The following LEPR variants were observed in gnomAD, a reference collection of about 807,000 sequenced individuals.
LEPR encodes OB receptor.
LEPR carries 56 observed loss-of-function variants against 114.7 expected under a neutral mutation model. The ratio of observed to expected loss-of-function variants is 0.49; its 90% confidence interval spans 0.39 to 0.61. The LOEUF is 0.61. Among genes scored for constraint, LEPR ranks in the 20% least tolerant of loss-of-function variants. The pLI, the probability that LEPR is intolerant of heterozygous loss-of-function variation, is 0.00. For synonymous variants in LEPR, 443 were observed against 461.4 expected (o/e 0.96, Z 0.51); for missense variants, 1,202 against 1,352.9 (o/e 0.89, Z 1.75).
intron 14 of LEPR, among the ~76,000 whole-genome samples, chr1:65,612,863 T>C (rs1657264178): frequency 6.6e-6 from 1 of 152,224 alleles, no homozygotes; most frequent in African/African-American, 2.4e-5. Flanking sequence ...ATTCTACCAA[T>C]GTGACTTACC....
chr1:65,459,274 G>A (rs1425310084), intron 2 of LEPR, among the ~76,000 whole-genome samples: 1 of 152,082 alleles, frequency 6.6e-6, no homozygotes, highest in African/African-American at 2.4e-5. Context: ...AGCCAGCTGG[G>A]GTGCTACTGA....
At chr1:65,465,470 G>A (rs1355844243) in intron 2 of LEPR, among the ~76,000 whole-genome samples, 1 of 152,214 alleles carries the variant, frequency 6.6e-6, no homozygotes, top group African/African-American at 2.4e-5. Flanking sequence ...TAGAATAAGT[G>A]TGATGTGGTG....
chr1:65,555,347 A>G (rs1293118418), intron 2 of LEPR, among the ~76,000 whole-genome samples: 1 of 152,186 alleles, frequency 6.6e-6, no homozygotes, highest in Non-Finnish European at 1.5e-5. Flanking sequence ...CCCACATATC[A>G]CCTGGATGAA....
intron 2 of LEPR, among the ~76,000 whole-genome samples, chr1:65,440,570 AG>A (rs1163998834): frequency 2.0e-5 from 3 of 152,212 alleles, no homozygotes; most frequent in African/African-American, 7.2e-5. Flanking sequence ...TGAAGGAAGT[AG>A]AGGCAGTTAT....
chr1:65,436,391 C>A (rs962531947), intron 2 of LEPR, among the ~76,000 whole-genome samples: 17 of 152,164 alleles, frequency 1.1e-4, no homozygotes, highest in Admixed American at 9.8e-4. Flanking sequence ...ATAATATGTC[C>A]TCCTTATGCA....
intron 2 of LEPR, among the ~76,000 whole-genome samples, chr1:65,544,264 A>C (rs1445294466): frequency 6.6e-6 from 1 of 151,938 alleles, no homozygotes; most frequent in Non-Finnish European, 1.5e-5. Context: ...GTGTATAGGA[A>C]TGCTTGTGAT....
chr1:65,526,174 G>A, intron 2 of LEPR: 1 of 985,332 alleles, frequency 1.0e-6, no homozygotes, highest in South Asian at 4.7e-5. Context: ...AAACTGAAGG[G>A]ACTGCCACCT....
Position 65,569,288 on chromosome 1 carries a change from T to A in LEPR, c.41-1185T>A, listed in dbSNP as rs1309809306. Among the ~76,000 whole-genome samples, 7 of 152,240 alleles carry A rather than the reference T, an allele frequency of 4.6e-5. No homozygotes were observed. The East Asian group carries it at 1.3e-3, about 29-fold the overall frequency. On this transcript the variant is annotated intron_variant, in intron 3 of 19. Coordinates refer to ENST00000349533, the MANE Select transcript of LEPR (RefSeq NM_002303.6). Reference sequence around the variant, plus strand: ...AAAATTCTCATTTCATACAAATCCATACAAGATTCTCAGAATTCGTATTCT... The same window carrying A: ...AAAATTCTCATTTCATACAAATCCAAACAAGATTCTCAGAATTCGTATTCT...
intron 1 of LEPR, among the ~76,000 whole-genome samples, chr1:65,422,335 T>TTGGCAACCATGC (rs144053797): frequency 0.45 from 68,058 of 150,966 alleles, 15,823 homozygotes; most frequent in East Asian, 0.85. Flanking sequence ...CCAAAGATTG[T>TTGGCAACCATGC]TGGCAACCAT....
intron 2 of LEPR, among the ~76,000 whole-genome samples, chr1:65,531,409 T>TTCCTTTCCTTTCC (rs1160453445): frequency 1.3e-5 from 2 of 151,914 alleles, no homozygotes; most frequent in Non-Finnish European, 2.9e-5. Context: ...TTCCTTTCCT[T>TTCCTTTCCTTTCC]TCCTTTCCTT....
intron 2 of LEPR, among the ~76,000 whole-genome samples, chr1:65,457,872 T>C (rs896258086): frequency 2.6e-5 from 4 of 152,204 alleles, no homozygotes; most frequent in African/African-American, 9.6e-5. Context: ...CTGAAGTTGA[T>C]AGTATATTTG....
Position 65,598,776 on chromosome 1 carries a change from G to T in LEPR, c.966G>T (p.Trp322Cys), listed in dbSNP as rs1157761488. The T allele has an allele frequency of 4.3e-6, 7 of 1,613,376 alleles. No homozygotes were observed. Among genetic ancestry groups the T allele is most frequent in the Non-Finnish European group, 5.9e-6 (7 of 1,179,528 alleles). Residue 322 changes from tryptophan to cysteine, a missense_variant, in exon 8 of 20, where the codon TGG becomes TGT. Physicochemically the swap from Trp to Cys is radical, Grantham distance 215 (BLOSUM62 -2). Transcript: ENST00000349533. ...RLDGPGIWSDWSTPRVFTTQD... is the reference protein window; with the variant it reads ...RLDGPGIWSDCSTPRVFTTQD... ...ATGGCCCAGGAATCTGGAGTGACTG[G>T]AGTACTCCTCGTGTCTTTACCACAC...
intron 2 of LEPR, among the ~76,000 whole-genome samples, chr1:65,478,030 C>G (rs1262007887): frequency 6.6e-6 from 1 of 152,224 alleles, no homozygotes; most frequent in Non-Finnish European, 1.5e-5. Context: ...ACCCACACTC[C>G]TATTATGCAA....
chr1:65,549,007 G>C (rs937281243), intron 2 of LEPR, among the ~76,000 whole-genome samples: 7 of 151,906 alleles, frequency 4.6e-5, no homozygotes, highest in Admixed American at 4.6e-4. Context: ...AGGCCTGGTG[G>C]TGACAAAATC....
chr1:65,634,801 A>G (rs1658657826), intron 19 of LEPR: 4 of 897,358 alleles, frequency 4.5e-6, no homozygotes, highest in Non-Finnish European at 5.3e-6. Context: ...CAGTGCATAT[A>G]TAGTAGAAGC....
At position 65,617,872 on chromosome 1, in the gene LEPR, AT is replaced by A. The variant is rs1327531947; in HGVS notation, c.2213-90del. On this transcript the variant is annotated intron_variant, in intron 15 of 19. Transcript: ENST00000349533. ...GTAAATTGTCTGTCTTCTCTTCCTT[AT>A]TCCCTTTAGTAGGTTATAAGTTCCT... 7.1e-6 allele frequency: 9 copies of A among 1,270,074 alleles called. No individual in the cohort carries two copies. In the African/African-American group the frequency reaches 1.4e-4, roughly 19 times the overall value. The allele number at this position is 1,270,074 out of a possible 1,614,324, so 78.7% of individuals were successfully genotyped here.
chr1:65,541,070 G>T (rs1021900905), intron 2 of LEPR, among the ~76,000 whole-genome samples: 2 of 152,134 alleles, frequency 1.3e-5, no homozygotes, highest in Admixed American at 6.5e-5. Context: ...TGATCCGCCT[G>T]CCTTGGGGTT....
chr1:65,570,440 T>G (rs1477338146), intron 3 of LEPR, 33 bp from the exon 4 acceptor site: 1 of 1,601,400 alleles, frequency 6.2e-7, no homozygotes, highest in Non-Finnish European at 8.5e-7. Flanking sequence ...AAATGATTAC[T>G]TTTTTCTATG....
chr1:65,455,471 C>T (rs1442192540), intron 2 of LEPR, among the ~76,000 whole-genome samples: 1 of 152,142 alleles, frequency 6.6e-6, no homozygotes, highest in African/African-American at 2.4e-5. Context: ...GTGTGGATGT[C>T]CTTTCTGTTT....
Sources: gnomAD v4.1 joint callset for allele counts (sites outside exome capture counted in the v4.1 genomes callset) on GRCh38, gnomAD v4.1.1 for gene constraint, MANE v1.5 for transcripts, NCBI Gene and HGNC (gene_info 2026-07-23, HGNC 2026-07-21) for gene names.